ANKIB1: variants seen among roughly 807,000 people sequenced by gnomAD.
ANKIB1 encodes ankyrin repeat and IBR domain-containing protein 1.
Under a neutral mutation model 122.1 loss-of-function variants are expected in ANKIB1, and 43 were observed. The observed-to-expected ratio is 0.35, with a 90% CI of 0.28 to 0.45. The LOEUF is 0.45. ANKIB1 is among the 20% of genes least tolerant of loss of function. ANKIB1 has a pLI of 1.00. For missense variants in ANKIB1, 992 were observed against 1,329.5 expected (o/e 0.75, Z 3.95); for synonymous variants, 390 against 442.0 (o/e 0.88, Z 1.48).
intron 2 of ANKIB1, among the ~76,000 whole-genome samples, chr7:92,303,888 C>G (rs1802502175): frequency 6.6e-6 from 1 of 152,050 alleles, no homozygotes; most frequent in Admixed American, 6.6e-5. Flanking sequence ...GAGGTAACAG[C>G]TATAAACTGG....
At chr7:92,386,068 C>A (rs1311540474) in intron 11 of ANKIB1, among the ~76,000 whole-genome samples, 1 of 151,994 alleles carries the variant, frequency 6.6e-6, no homozygotes, top group South Asian at 2.1e-4. Context: ...AATGGGAAAC[C>A]GTTTTTATAT....
At position 92,396,618 on chromosome 7, in the gene ANKIB1, A is replaced by G. The variant is rs1258305211; in HGVS notation, c.2395+142A>G. ...AGATGTTTCTGTTGTGACAGGACAC[A>G]GAAAATCAGAGGAGTTAGGAGCATG... On this transcript the variant is annotated intron_variant, in intron 18 of 19. Coordinates refer to ENST00000265742, the MANE Select transcript of ANKIB1 (RefSeq NM_019004.2). 8.4e-6 allele frequency: 5 copies of G among 598,036 alleles called. No individual in the cohort carries two copies. The African/African-American group carries it at 9.3e-5, about 11-fold the overall frequency. 37.0% of individuals were successfully genotyped at this position (598,036 alleles called of 1,614,324 possible). A position where few individuals can be genotyped will look rare whatever the true frequency, so the allele number is the denominator to read the frequency against.
chr7:92,348,134 T>G (rs1488611388), intron 7 of ANKIB1: 1 of 290,558 alleles, frequency 3.4e-6, no homozygotes, highest in East Asian at 1.0e-4. Flanking sequence ...ACAGAACTGA[T>G]CCTGTCTTCA....
chr7:92,350,873 G>A (rs1803648487), intron 7 of ANKIB1, 77 bp from the exon 8 acceptor site: 1 of 1,410,378 alleles, frequency 7.1e-7, no homozygotes. Context: ...AAAAAGGAAA[G>A]AAAAAGGAAA....
intron 1 of ANKIB1, among the ~76,000 whole-genome samples, chr7:92,273,662 G>C (rs1055617797): frequency 2.6e-5 from 4 of 152,222 alleles, no homozygotes; most frequent in African/African-American, 9.6e-5. Flanking sequence ...AGGCAGGAGA[G>C]TATGGCAGGC....
In ANKIB1 at chr7:92,275,220, T is replaced by C. The variant is rs533974221; in HGVS notation, c.-90-19669T>C. Among the ~76,000 whole-genome samples, 7 of 152,188 alleles carry C rather than the reference T, an allele frequency of 4.6e-5. No homozygotes were observed. The East Asian group carries it at 1.3e-3, about 29-fold the overall frequency. On this transcript the variant is annotated intron_variant, in intron 1 of 19. Transcript: ENST00000265742. ...GACCTTGTAGATTTATCCTTTTTTCTTAATTTATTCTCACTTAATGGGATT... is the reference window on the plus strand; with the variant it reads ...GACCTTGTAGATTTATCCTTTTTTCCTAATTTATTCTCACTTAATGGGATT...
chr7:92,385,197 T>G (rs145190373), intron 11 of ANKIB1, among the ~76,000 whole-genome samples: 3,697 of 152,268 alleles, frequency 0.024, 163 homozygotes, highest in African/African-American at 0.085. Context: ...CTCACACCAG[T>G]TAGAATGGCG....
chr7:92,349,156 G>A (rs890207871), intron 7 of ANKIB1, among the ~76,000 whole-genome samples: 1 of 152,202 alleles, frequency 6.6e-6, no homozygotes, highest in African/African-American at 2.4e-5. Context: ...AGAGAGAAAG[G>A]ATAGGTTATT....
intron 5 of ANKIB1, among the ~76,000 whole-genome samples, chr7:92,336,348 ATTTAC>A (rs913623006): frequency 4.0e-5 from 6 of 150,704 alleles, no homozygotes; most frequent in Non-Finnish European, 5.9e-5. Flanking sequence ...GCTTTCATTT[ATTTAC>A]TTAGTTTTCC....
intron 11 of ANKIB1, among the ~76,000 whole-genome samples, chr7:92,382,898 A>T (rs1175004540): frequency 6.6e-6 from 1 of 152,210 alleles, no homozygotes; most frequent in Non-Finnish European, 1.5e-5. Flanking sequence ...TCAGAGCAGA[A>T]CTGAAGGAGA....
At chr7:92,267,410 CTA>C (rs2131888198) in intron 1 of ANKIB1, among the ~76,000 whole-genome samples, 1 of 152,278 alleles carries the variant, frequency 6.6e-6, no homozygotes, top group South Asian at 2.1e-4. Context: ...CCAAGAGTGA[CTA>C]TTATCATGAC....
intron 7 of ANKIB1, among the ~76,000 whole-genome samples, chr7:92,347,008 A>G (rs1483067064): frequency 6.6e-6 from 1 of 152,202 alleles, no homozygotes; most frequent in Non-Finnish European, 1.5e-5. Flanking sequence ...TGGGTGATTC[A>G]TGTGTTGATG....
At chr7:92,263,402 A>T (rs1801604229) in intron 1 of ANKIB1, among the ~76,000 whole-genome samples, 1 of 152,210 alleles carries the variant, frequency 6.6e-6, no homozygotes, top group South Asian at 2.1e-4. Flanking sequence ...GTGTTAAAAG[A>T]GGTAAAGCTT....
chr7:92,378,257 G>A (rs865902880), intron 11 of ANKIB1, among the ~76,000 whole-genome samples: 7 of 152,118 alleles, frequency 4.6e-5, no homozygotes, highest in Middle Eastern at 3.4e-3. Context: ...AATATTTGCA[G>A]TATACCAATT....
In ANKIB1 at chr7:92,265,216, C is replaced by T. The variant is rs146561978; in HGVS notation, c.-91+18697C>T. 7.1e-3 allele frequency among the ~76,000 whole-genome samples: 1,081 copies of T among 152,116 alleles called. 11 individuals carry two copies. The highest frequency in any genetic ancestry group is 0.025 in the African/African-American group (1,031 of 41,478). On this transcript the variant is annotated intron_variant, in intron 1 of 19. Coordinates refer to ENST00000265742, the MANE Select transcript of ANKIB1 (RefSeq NM_019004.2). ...CTGGTCTTGAACTCCTGGCCTCAAG[C>T]GATCTTACCATCTCCCAAAGCACTG... is the stretch of plus-strand genomic sequence containing the variant.
Position 92,371,459 on chromosome 7 carries a change from G to T in ANKIB1, c.1487-18G>T, listed in dbSNP as rs760526738. 2 of 1,593,082 alleles carry T rather than the reference G, an allele frequency of 1.3e-6. No homozygotes were observed. Among genetic ancestry groups the T allele is most frequent in the Non-Finnish European group, 1.7e-6 (2 of 1,168,532 alleles). ...CACTAAATCATTTATTTTTGTGATTGTGTTTAATATCCCAAAGTTGTGGGA... is the reference window on the plus strand; with the variant it reads ...CACTAAATCATTTATTTTTGTGATTTTGTTTAATATCCCAAAGTTGTGGGA... On this transcript the variant is annotated intron_variant, in intron 10 of 19. Transcript: ENST00000265742.
intron 1 of ANKIB1, among the ~76,000 whole-genome samples, chr7:92,261,493 A>G (rs1343434299): frequency 1.3e-5 from 2 of 152,076 alleles, no homozygotes; most frequent in Non-Finnish European, 1.5e-5. Flanking sequence ...ATTAATTGCT[A>G]TTGACTGCAA....
At chr7:92,266,693 C>G (rs1234943102) in intron 1 of ANKIB1, among the ~76,000 whole-genome samples, 3 of 152,180 alleles carry the variant, frequency 2.0e-5, no homozygotes, top group Non-Finnish European at 4.4e-5. Context: ...GTAGACCTCT[C>G]TGGGAGTCCA....
intron 10 of ANKIB1, among the ~76,000 whole-genome samples, chr7:92,365,549 GA>G (rs1355896200): frequency 6.6e-6 from 1 of 152,094 alleles, no homozygotes; most frequent in African/African-American, 2.4e-5. Flanking sequence ...ACAATGCTAG[GA>G]AATCCTAGAC....
Sources: allele counts gnomAD v4.1 joint callset (sites outside exome capture counted in the v4.1 genomes callset), GRCh38; gene constraint gnomAD v4.1.1; transcripts MANE v1.5; gene names NCBI Gene and HGNC (gene_info 2026-07-23, HGNC 2026-07-21).